NRTN: variants seen among roughly 807,000 people sequenced by gnomAD.
NRTN encodes the protein neurturin.
NRTN carries 3 observed loss-of-function variants against 7.5 expected under a neutral mutation model. The observed-to-expected ratio is 0.40, with a 90% CI of 0.18 to 1.03. NRTN has a LOEUF of 1.03. Ranked by LOEUF, NRTN falls within the 50% of genes least tolerant of loss-of-function variation. The pLI is 0.34. For synonymous variants in NRTN, 157 were observed against 146.6 expected (o/e 1.07, Z -0.51); for missense variants, 310 against 307.0 (o/e 1.01, Z -0.07).
In NRTN at chr19:5,828,257, G is replaced by A. The variant is rs887964367; in HGVS notation, c.*84G>A. On this transcript the variant is annotated 3_prime_UTR_variant, in exon 3 of 3. Coordinates refer to ENST00000303212, the MANE Select transcript of NRTN (RefSeq NM_004558.5). Reference sequence around the variant, plus strand: ...CGGCCCCGCGAAAGACTGCGCGTGCGTAGAGCACGCCGGCGCGGCCCCGGG... The same window carrying A: ...CGGCCCCGCGAAAGACTGCGCGTGCATAGAGCACGCCGGCGCGGCCCCGGG... 1.5e-4 allele frequency: 212 copies of A among 1,415,766 alleles called. No individual in the cohort carries two copies. Among genetic ancestry groups the A allele is most frequent in the Non-Finnish European group, 1.9e-4 (198 of 1,057,872 alleles). 87.7% of individuals were successfully genotyped at this position (1,415,766 alleles called of 1,614,324 possible).
chr19:5,827,494 C>T (rs1327525670), intron 2 of NRTN, among the ~76,000 whole-genome samples: 1 of 151,860 alleles, frequency 6.6e-6, no homozygotes, highest in African/African-American at 2.4e-5. Context: ...AATATAGGCT[C>T]AGGGTTCAGA....
At chr19:5,820,161 G>A (rs1316924244) in intron 1 of NRTN, among the ~76,000 whole-genome samples, 2 of 147,474 alleles carry the variant, frequency 1.4e-5, no homozygotes, top group Admixed American at 1.3e-4. Flanking sequence ...AGCTACTCAG[G>A]AGGCTGAGGC....
intron 1 of NRTN, among the ~76,000 whole-genome samples, chr19:5,819,894 G>A (rs553644086): frequency 2.1e-4 from 32 of 151,968 alleles, no homozygotes; most frequent in African/African-American, 7.0e-4. Flanking sequence ...TTCTTAGGAC[G>A]CTTGTAAGGT....
Position 5,805,326 on chromosome 19 carries a change from C to G in NRTN, c.-524C>G, listed in dbSNP as rs1283331977. On this transcript the variant is annotated 5_prime_UTR_variant, in exon 1 of 3. Coordinates refer to ENST00000303212, the MANE Select transcript of NRTN (RefSeq NM_004558.5). ...CCGCGCCGCACCCCGCCCGCGGCCG[C>G]CCCCTCCGGCCCGGGCCCCCCCCGG... Among the ~76,000 whole-genome samples the G allele has an allele frequency of 1.4e-5, 2 of 145,930 alleles. No homozygotes were observed. The highest frequency in any genetic ancestry group is 3.0e-5 in the Non-Finnish European group (2 of 65,760).
At chr19:5,807,351 T>C (rs2056977671) in intron 1 of NRTN, among the ~76,000 whole-genome samples, 1 of 152,034 alleles carries the variant, frequency 6.6e-6, no homozygotes, top group East Asian at 1.9e-4. Context: ...CTATCTTTGC[T>C]GGGGGGCTGT....
intron 1 of NRTN, among the ~76,000 whole-genome samples, chr19:5,822,201 G>T (rs1231732904): frequency 1.3e-5 from 2 of 152,190 alleles, no homozygotes; most frequent in Non-Finnish European, 2.9e-5. Context: ...CCATGCAAAT[G>T]AAATGCAAAT....
chr19:5,814,535 C>G (rs1039003932), intron 1 of NRTN, among the ~76,000 whole-genome samples: 1 of 152,126 alleles, frequency 6.6e-6, no homozygotes, highest in Non-Finnish European at 1.5e-5. Flanking sequence ...TGGGTGTGCC[C>G]GGCAGGTGTC....
At chr19:5,810,769 A>C (rs2056988046) in intron 1 of NRTN, among the ~76,000 whole-genome samples, 1 of 151,866 alleles carries the variant, frequency 6.6e-6, no homozygotes, top group East Asian at 1.9e-4. Flanking sequence ...TCTCTACTAA[A>C]AATACAAAAA....
Position 5,827,904 on chromosome 19 carries a change from G to A in NRTN, c.325G>A (p.Glu109Lys). Residue 109 changes from glutamate (E) to lysine (K), a missense_variant, in exon 3 of 3, where the codon GAG becomes AAG. Physicochemically the swap from Glu to Lys is moderately conservative, Grantham distance 56. Transcript: ENST00000303212. Reference sequence around the variant, plus strand: ...GCGGCCTTGCGGGCTGCGCGAGCTGGAGGTGCGCGTGAGCGAGCTGGGCCT... The same window carrying A: ...GCGGCCTTGCGGGCTGCGCGAGCTGAAGGTGCGCGTGAGCGAGCTGGGCCT... ...GARPCGLREL[E>K]VRVSELGLGY... The A allele has an allele frequency of 1.4e-6, 2 of 1,440,176 alleles. No individual in the cohort carries two copies. Among genetic ancestry groups the A allele is most frequent in the African/African-American group, 1.5e-5 (1 of 68,510 alleles). The allele number at this position is 1,440,176 out of a possible 1,614,324, so 89.2% of individuals were successfully genotyped here. A position where few individuals can be genotyped will look rare whatever the true frequency, so the allele number is the denominator to read the frequency against.
chr19:5,825,835 T>A (rs1432458750), intron 2 of NRTN, among the ~76,000 whole-genome samples: 1 of 152,164 alleles, frequency 6.6e-6, no homozygotes, highest in Non-Finnish European at 1.5e-5. Context: ...ACAGACATCC[T>A]AAAAGATGAT....
At position 5,828,088 on chromosome 19, in the gene NRTN, A is replaced by G. The variant is rs2057055647; in HGVS notation, c.509A>G (p.Tyr170Cys). Residue 170 changes from tyrosine to cysteine, a missense_variant, in exon 3 of 3, where the codon TAC (tyrosine) becomes TGC (cysteine). Tyr to Cys is a radical substitution (Grantham distance 194). Coordinates refer to ENST00000303212, the MANE Select transcript of NRTN (RefSeq NM_004558.5). Reference protein sequence around the residue: ...RAQPCCRPTAYEDEVSFLDAH... With the variant: ...RAQPCCRPTACEDEVSFLDAH... The stretch of plus-strand genomic sequence containing the variant: ...CAGCCCTGCTGCCGCCCGACGGCCT[A>G]CGAGGACGAGGTGTCCTTCCTGGAC... 1 of 1,491,620 alleles carries G rather than the reference A, an allele frequency of 6.7e-7. No homozygotes were observed. Among genetic ancestry groups the G allele is most frequent in the Non-Finnish European group, 8.9e-7 (1 of 1,128,102 alleles). 92.4% of individuals were successfully genotyped at this position (1,491,620 alleles called of 1,614,324 possible).
At chr19:5,805,496 G>A (rs1412278126) in intron 1 of NRTN, among the ~76,000 whole-genome samples, 45 bp downstream of exon 1, 1 of 151,852 alleles carries the variant, frequency 6.6e-6, no homozygotes. Context: ...AGCAGGGTAC[G>A]ACGGGGACGA....
rs796371226 is a variant in NRTN, at chr19:5,824,141, A to G, written c.-25A>G. 6 of 1,602,736 alleles carry G rather than the reference A, an allele frequency of 3.7e-6. No homozygotes were observed. In the African/African-American group the frequency reaches 8.0e-5, roughly 21 times the overall value. ...GAGGGACAGACGGGGCGTGCGGCTG[A>G]CCATCCCGTGCCCGCAGGCTGAGGA... On this transcript the variant is annotated 5_prime_UTR_variant, in exon 2 of 3. Coordinates refer to ENST00000303212, the MANE Select transcript of NRTN (RefSeq NM_004558.5).
intron 1 of NRTN, among the ~76,000 whole-genome samples, chr19:5,811,334 G>C (rs749808691): frequency 2.0e-5 from 3 of 152,180 alleles, no homozygotes; most frequent in Non-Finnish European, 4.4e-5. Flanking sequence ...ATGAGTAGGA[G>C]TTTGCTGACC....
At chr19:5,824,561 C>T (rs1187730722) in intron 2 of NRTN, among the ~76,000 whole-genome samples, 1 of 152,208 alleles carries the variant, frequency 6.6e-6, no homozygotes, top group Non-Finnish European at 1.5e-5. Flanking sequence ...AGGAGGATCT[C>T]TTGAGCCCAG....
chr19:5,824,996 A>AG lies in NRTN; in HGVS notation c.169+669dup, dbSNP rs1473538641. Among the ~76,000 whole-genome samples, 11 of 151,812 alleles carry AG rather than the reference A, an allele frequency of 7.2e-5. No individual in the cohort carries two copies. The East Asian group carries it at 7.8e-4, about 11-fold the overall frequency. On this transcript the variant is annotated intron_variant, in intron 2 of 2. Transcript: ENST00000303212. ...GCCTGGTTGGCCCCCGCGGCGCAGC[A>AG]GGGGGGGCGGTGGGAGGAGAGAGAG...
intron 2 of NRTN, among the ~76,000 whole-genome samples, chr19:5,825,337 C>T (rs886702017): frequency 1.3e-5 from 2 of 152,190 alleles, no homozygotes; most frequent in African/African-American, 2.4e-5. Flanking sequence ...TCCATGCGTG[C>T]GCCTGCGCGG....
chr19:5,817,425 GAGAA>G (rs961876220), intron 1 of NRTN, among the ~76,000 whole-genome samples: 4 of 141,444 alleles, frequency 2.8e-5, no homozygotes, highest in Non-Finnish European at 4.6e-5. Context: ...GAGGGAGAGA[GAGAA>G]AGAGAGAAAG....
At chr19:5,805,697 T>A (rs187377679) in intron 1 of NRTN, among the ~76,000 whole-genome samples, 1 of 151,960 alleles carries the variant, frequency 6.6e-6, no homozygotes, top group Non-Finnish European at 1.5e-5. Context: ...GCGGTGTCCC[T>A]GTCCGACGGG....
Sources: gnomAD v4.1 joint callset for allele counts (sites outside exome capture counted in the v4.1 genomes callset) on GRCh38, gnomAD v4.1.1 for gene constraint, MANE v1.5 for transcripts, NCBI Gene and HGNC (gene_info 2026-07-23, HGNC 2026-07-21) for gene names.